Variants in WNT7A observed in about 807,000 individuals in gnomAD.
WNT7A encodes protein Wnt-7a.
Under a neutral mutation model 28.2 loss-of-function variants are expected in WNT7A, and 16 were observed. The observed-to-expected ratio is 0.57, with a 90% CI of 0.38 to 0.86. The LOEUF is 0.86. Among genes scored for constraint, WNT7A ranks in the 40% least tolerant of loss-of-function variants. The probability of loss-of-function intolerance (pLI) is 0.00; values close to 1 mark genes in which losing one functional copy is unlikely to be tolerated. For missense variants in WNT7A, 411 were observed against 489.7 expected, an observed-to-expected ratio of 0.84 and a Z score of 1.52; for synonymous variants, 190 against 195.9, an observed-to-expected ratio of 0.97 and a Z score of 0.25.
intron 3 of WNT7A, among the ~76,000 whole-genome samples, chr3:13,850,090 C>G (rs1694603456): frequency 6.6e-6 from 1 of 152,246 alleles, no homozygotes; most frequent in South Asian, 2.1e-4. Flanking sequence ...TCCCCTGAGT[C>G]CTGGCTGCAA....
rs370808777 is a variant in WNT7A, at chr3:13,838,633, A to G, written c.570+15899T>C. ...CAGGAGGGAGCTGGGAAAGGGCTTCAAGGGGACCTGGTTGGAGCCCCCAAA... is the reference window on the plus strand; with the variant it reads ...CAGGAGGGAGCTGGGAAAGGGCTTCGAGGGGACCTGGTTGGAGCCCCCAAA... On this transcript the variant is annotated intron_variant, in intron 3 of 3. Transcript: ENST00000285018. 2.6e-4 allele frequency among the ~76,000 whole-genome samples: 39 copies of G among 152,344 alleles called. 1 individual carries two copies. Among genetic ancestry groups the G allele is most frequent in the African/African-American group, 6.3e-4 (26 of 41,572 alleles).
At chr3:13,868,085 C>T (rs934080429) in intron 2 of WNT7A, among the ~76,000 whole-genome samples, 6 of 152,076 alleles carry the variant, frequency 3.9e-5, no homozygotes, top group Non-Finnish European at 7.4e-5. Context: ...ACTCAAGATT[C>T]AAGGTAGGGA....
intron 2 of WNT7A, among the ~76,000 whole-genome samples, chr3:13,872,992 C>A (rs923545431): frequency 1.4e-5 from 2 of 145,908 alleles, no homozygotes; most frequent in African/African-American, 5.0e-5. Flanking sequence ...GGAGCCCATG[C>A]CTGGGTCCCA....
chr3:13,864,938 C>T (rs542496833), intron 2 of WNT7A, among the ~76,000 whole-genome samples: 7 of 152,264 alleles, frequency 4.6e-5, no homozygotes, highest in Admixed American at 3.9e-4. Flanking sequence ...TTTCGCTGCC[C>T]ATGGCAATGT....
At chr3:13,821,183 A>G (rs1044499264) in intron 3 of WNT7A, among the ~76,000 whole-genome samples, 1 of 152,200 alleles carries the variant, frequency 6.6e-6, no homozygotes, top group Admixed American at 6.5e-5. Flanking sequence ...GGGCAGAGTG[A>G]GGCAGGTGTT....
At chr3:13,877,350 C>T (rs1275230649) in intron 1 of WNT7A, 1 of 152,252 alleles carries the variant, frequency 6.6e-6, no homozygotes, top group Non-Finnish European at 1.5e-5. Flanking sequence ...TGGCTTTGCA[C>T]TGGCATCTCA....
At chr3:13,829,755 G>A (rs1694248455) in intron 3 of WNT7A, among the ~76,000 whole-genome samples, 1 of 152,160 alleles carries the variant, frequency 6.6e-6, no homozygotes. Flanking sequence ...GGCTGAAGTT[G>A]TCCACACTCT....
At position 13,818,792 on chromosome 3, in the gene WNT7A, T is replaced by A; in HGVS notation, c.*152A>T. On this transcript the variant is annotated 3_prime_UTR_variant, in exon 4 of 4. Coordinates refer to ENST00000285018, the MANE Select transcript of WNT7A (RefSeq NM_004625.4). Reference sequence around the variant, plus strand: ...GTTGAGGGCTCTGAGAGATTTTTTTTCCCCCACGGATGCCTGCAGGAAACC... The same window carrying A: ...GTTGAGGGCTCTGAGAGATTTTTTTACCCCCACGGATGCCTGCAGGAAACC... 2.5e-6 allele frequency: 3 copies of A among 1,199,972 alleles called. No individual in the cohort carries two copies. The South Asian group carries it at 5.0e-5, about 20-fold the overall frequency. 74.3% of individuals were successfully genotyped at this position (1,199,972 alleles called of 1,614,324 possible). A position where few individuals can be genotyped will look rare whatever the true frequency, so the allele number is the denominator to read the frequency against.
intron 3 of WNT7A, among the ~76,000 whole-genome samples, chr3:13,835,998 G>A (rs1694361675): frequency 6.6e-6 from 1 of 152,126 alleles, no homozygotes; most frequent in African/African-American, 2.4e-5. Context: ...GAGAGCAGAG[G>A]AGTTGCTGCC....
At chr3:13,870,147 G>A (rs1347248079) in intron 2 of WNT7A, among the ~76,000 whole-genome samples, 1 of 152,124 alleles carries the variant, frequency 6.6e-6, no homozygotes, top group Non-Finnish European at 1.5e-5. Flanking sequence ...GCTGCACTCT[G>A]GCCACTCATT....
intron 3 of WNT7A, among the ~76,000 whole-genome samples, chr3:13,849,835 T>C (rs1466053720): frequency 6.6e-6 from 1 of 152,222 alleles, no homozygotes; most frequent in Non-Finnish European, 1.5e-5. Flanking sequence ...AAGCGGCCTG[T>C]GCAATGGCCC....
intron 3 of WNT7A, among the ~76,000 whole-genome samples, chr3:13,843,752 T>C (rs1184130349): frequency 6.6e-6 from 1 of 151,990 alleles, no homozygotes; most frequent in Non-Finnish European, 1.5e-5. Flanking sequence ...GAATCTTTTT[T>C]TTTTTTTCCC....
rs1438087844 is a variant in WNT7A, at chr3:13,854,737, G to A, written c.365C>T (p.Ala122Val). 1.2e-6 allele frequency: 2 copies of A among 1,613,914 alleles called. No homozygotes were observed. The highest frequency in any genetic ancestry group is 1.7e-6 in the Non-Finnish European group (2 of 1,180,050). ...AAGVAHAITA[A>V]CTQGNLSDCG... is the part of the protein sequence containing the mutation. ...GTCGCTCAGGTTGCCCTGGGTACAG[G>A]CAGCTGTGATGGCGTGGGCCACGCC... The change falls in exon 3 of 4, where the codon GCC becomes GTC. Residue 122 changes from alanine to valine, a missense_variant. By Grantham distance (64) the Ala-to-Val change is moderately conservative (BLOSUM62 0). Coordinates refer to ENST00000285018, the MANE Select transcript of WNT7A (RefSeq NM_004625.4).
chr3:13,855,741 C>T (rs1454447593), intron 2 of WNT7A, among the ~76,000 whole-genome samples: 1 of 152,128 alleles, frequency 6.6e-6, no homozygotes, highest in Non-Finnish European at 1.5e-5. Flanking sequence ...CTATGGGAAG[C>T]CCTGTGTGTG....
At chr3:13,850,283 T>C (rs1401685382) in intron 3 of WNT7A, among the ~76,000 whole-genome samples, 1 of 152,160 alleles carries the variant, frequency 6.6e-6, no homozygotes, top group Non-Finnish European at 1.5e-5. Context: ...TGGTCAAATA[T>C]GCAAGTGGCC....
chr3:13,861,185 C>A (rs958010355), intron 2 of WNT7A, among the ~76,000 whole-genome samples: 11 of 152,232 alleles, frequency 7.2e-5, no homozygotes, highest in Admixed American at 5.9e-4. Flanking sequence ...CCATGTGGAG[C>A]CTGTGAGTGA....
chr3:13,878,336 G>T (rs954686208), intron 1 of WNT7A, among the ~76,000 whole-genome samples: 7 of 152,174 alleles, frequency 4.6e-5, no homozygotes, highest in South Asian at 2.1e-4. Flanking sequence ...CAATCGGCTC[G>T]AGCCAATCGG....
intron 2 of WNT7A, among the ~76,000 whole-genome samples, chr3:13,858,314 C>G (rs1694779855): frequency 6.6e-6 from 1 of 152,212 alleles, no homozygotes; most frequent in South Asian, 2.1e-4. Context: ...TGGCCCCTCT[C>G]CCTTGGTTTC....
chr3:13,873,055 C>A (rs750046592), intron 2 of WNT7A, among the ~76,000 whole-genome samples: 1 of 151,950 alleles, frequency 6.6e-6, no homozygotes, highest in African/African-American at 2.4e-5. Context: ...GAAGAAAGCA[C>A]AAAAACCACA....
Sources: allele counts gnomAD v4.1 joint callset (sites outside exome capture counted in the v4.1 genomes callset), GRCh38; gene constraint gnomAD v4.1.1; transcripts MANE v1.5; gene names NCBI Gene and HGNC (gene_info 2026-07-23, HGNC 2026-07-21).